The following SLC25A12 variants were observed in gnomAD, a reference collection of about 807,000 sequenced individuals.
The protein encoded by SLC25A12 is electrogenic aspartate/glutamate antiporter SLC25A12, mitochondrial.
Under a neutral mutation model 83.3 loss-of-function variants are expected in SLC25A12, and 32 were observed. The ratio of observed to expected loss-of-function variants is 0.38; its 90% CI spans 0.29 to 0.52. The LOEUF is 0.52. Among genes scored for constraint, SLC25A12 ranks in the 20% least tolerant of loss-of-function variants. The pLI is 0.84. For missense variants in SLC25A12, 611 were observed against 835.6 expected, an observed-to-expected ratio of 0.73 and a Z score of 3.31; for synonymous variants, 267 against 291.1, an observed-to-expected ratio of 0.92 and a Z score of 0.84.
intron 4 of SLC25A12, among the ~76,000 whole-genome samples, chr2:171,853,746 A>T (rs1684987879): frequency 6.6e-6 from 1 of 152,156 alleles, no homozygotes; most frequent in East Asian, 1.9e-4. Flanking sequence ...AATAAGGCAT[A>T]TATAAACTTA....
intron 3 of SLC25A12, among the ~76,000 whole-genome samples, chr2:171,868,311 ATTTTTTTTTTT>A (rs71013084): frequency 7.7e-6 from 1 of 129,520 alleles, no homozygotes; most frequent in East Asian, 2.2e-4. Flanking sequence ...GGGTTTTTTA[ATTTTTTTTTTT>A]TTTTTTTTGA....
At chr2:171,797,211 CTAA>C (rs1471958673) in intron 13 of SLC25A12, among the ~76,000 whole-genome samples, 16 of 152,136 alleles carry the variant, frequency 1.1e-4, no homozygotes, top group Admixed American at 8.5e-4. Flanking sequence ...TACAAATATG[CTAA>C]TGTTTGCTAT....
At chr2:171,819,268 A>T in intron 9 of SLC25A12, among the ~76,000 whole-genome samples, 1 of 127,630 alleles carries the variant, frequency 7.8e-6, no homozygotes, top group East Asian at 2.1e-4. Flanking sequence ...TGTATACATT[A>T]TATATTTACA....
At chr2:171,890,876 G>C (rs1685919830) in intron 2 of SLC25A12, among the ~76,000 whole-genome samples, 1 of 152,046 alleles carries the variant, frequency 6.6e-6, no homozygotes, top group Non-Finnish European at 1.5e-5. Flanking sequence ...TTGTGTCAAT[G>C]TTTCATACTT....
intron 11 of SLC25A12, among the ~76,000 whole-genome samples, chr2:171,812,339 G>A (rs761883324): frequency 2.6e-5 from 4 of 152,054 alleles, no homozygotes; most frequent in African/African-American, 4.8e-5. Flanking sequence ...AGCTCTGTTC[G>A]GGCCCAGTCT....
intron 9 of SLC25A12, among the ~76,000 whole-genome samples, chr2:171,823,496 T>C (rs1001393826): frequency 2.6e-5 from 4 of 152,194 alleles, no homozygotes; most frequent in African/African-American, 9.6e-5. Context: ...TTCACAAATC[T>C]GTTTCTATAA....
At chr2:171,881,142 C>CTTTTTTTTTTTTTTTTTTTT (rs201576623) in intron 2 of SLC25A12, among the ~76,000 whole-genome samples, 1 of 151,844 alleles carries the variant, frequency 6.6e-6, no homozygotes, top group African/African-American at 2.4e-5. Context: ...CCCATATTTT[C>CTTTTTTTTTTTTTTTTTTTT]TTTTTTTGTT....
At chr2:171,827,272 C>T (rs1684321739) in intron 8 of SLC25A12, among the ~76,000 whole-genome samples, 3 of 151,078 alleles carry the variant, frequency 2.0e-5, no homozygotes, top group Admixed American at 2.0e-4. Context: ...CTGGTTGCCT[C>T]GAAGGAAAGG....
At chr2:171,845,966 C>T (rs1684789320) in intron 4 of SLC25A12, 1 of 289,142 alleles carries the variant, frequency 3.5e-6, no homozygotes, top group African/African-American at 2.3e-5. Flanking sequence ...TTTGTGGGAT[C>T]CTGGTTTCTA....
chr2:171,796,227 G>A (rs1349022310), intron 13 of SLC25A12, among the ~76,000 whole-genome samples: 3 of 152,192 alleles, frequency 2.0e-5, no homozygotes. Context: ...GATTACAGGC[G>A]TGAGCCACTG....
chr2:171,867,266 G>A (rs923093920), intron 3 of SLC25A12, among the ~76,000 whole-genome samples: 6 of 150,186 alleles, frequency 4.0e-5, no homozygotes, highest in Admixed American at 4.0e-4. Context: ...CGGCACTTTG[G>A]GAGGCCAAGG....
At chr2:171,885,743 G>A (rs1427318009) in intron 2 of SLC25A12, among the ~76,000 whole-genome samples, 4 of 152,216 alleles carry the variant, frequency 2.6e-5, no homozygotes, top group South Asian at 4.1e-4. Flanking sequence ...AGGAACTGGT[G>A]AAAACCCTCA....
At chr2:171,850,344 T>G (rs867172214) in intron 4 of SLC25A12, among the ~76,000 whole-genome samples, 12 of 129,224 alleles carry the variant, frequency 9.3e-5, no homozygotes, top group South Asian at 8.7e-4. Flanking sequence ...TTTGTTTTTT[T>G]TTTTTTTTTT....
At chr2:171,814,430 T>C (rs2105864101) in intron 10 of SLC25A12, among the ~76,000 whole-genome samples, 1 of 151,854 alleles carries the variant, frequency 6.6e-6, no homozygotes. Context: ...CTGGGTCACT[T>C]TGAGAGGCTC....
intron 15 of SLC25A12, among the ~76,000 whole-genome samples, chr2:171,789,324 G>A (rs1178677063): frequency 6.6e-6 from 1 of 152,122 alleles, no homozygotes; most frequent in Non-Finnish European, 1.5e-5. Context: ...CGCCTCCCAG[G>A]TTCATGCCAT....
At chr2:171,862,466 G>A (rs1442399734) in intron 3 of SLC25A12, among the ~76,000 whole-genome samples, 2 of 152,122 alleles carry the variant, frequency 1.3e-5, no homozygotes, top group African/African-American at 4.8e-5. Flanking sequence ...TGTTTTGTAT[G>A]TTACATGGCT....
intron 2 of SLC25A12, among the ~76,000 whole-genome samples, chr2:171,875,554 C>T (rs1685545932): frequency 6.6e-6 from 1 of 152,090 alleles, no homozygotes; most frequent in African/African-American, 2.4e-5. Flanking sequence ...ACCATGTTCA[C>T]TATCTGGATG....
chr2:171,838,870 C>G lies in SLC25A12; in HGVS notation c.466-1603G>C, dbSNP rs1573972892. 2.0e-5 allele frequency among the ~76,000 whole-genome samples: 3 copies of G among 152,184 alleles called. No homozygotes were observed. In the South Asian group the frequency reaches 6.2e-4, roughly 32 times the overall value. The stretch of plus-strand genomic sequence containing the variant: ...GGCCAAGAAGTGGTAATTATTGAAG[C>G]TGGTTATAGGTCCAGGAGGTTCATT... On this transcript the variant is annotated intron_variant, in intron 5 of 17. Coordinates refer to ENST00000422440, the MANE Select transcript of SLC25A12 (RefSeq NM_003705.5).
chr2:171,813,655 GGGATA>G (rs1574691241), intron 10 of SLC25A12, among the ~76,000 whole-genome samples, 158 bp from the exon 11 acceptor site: 2 of 152,268 alleles, frequency 1.3e-5, no homozygotes, highest in East Asian at 3.9e-4. Context: ...AAACACCTTA[GGGATA>G]GCAGGCTATA....
Sources: gnomAD v4.1 joint callset for allele counts (sites outside exome capture counted in the v4.1 genomes callset) on GRCh38, gnomAD v4.1.1 for gene constraint, MANE v1.5 for transcripts, NCBI Gene and HGNC (gene_info 2026-07-23, HGNC 2026-07-21) for gene names.